ZFHX3: variants seen among roughly 807,000 people sequenced by gnomAD.
ZFHX3 encodes the protein zinc finger homeobox protein 3.
In ZFHX3, 42 loss-of-function variants were observed where a neutral mutation model predicts 279.1. That is an observed-to-expected ratio of 0.15 (90% confidence interval 0.12 to 0.19). ZFHX3 has a LOEUF of 0.19. ZFHX3 is among the 10% of genes least tolerant of loss of function. The pLI, the probability that ZFHX3 is intolerant of heterozygous loss-of-function variation, is 1.00. For missense variants in ZFHX3, 4,981 were observed against 4,754.0 expected (o/e 1.05, Z -1.40); for synonymous variants, 2,293 against 1,957.8 (o/e 1.17, Z -4.52).
At chr16:73,524,080 G>T (rs577220383) in intron 2 of ZFHX3, among the ~76,000 whole-genome samples, 1 of 152,128 alleles carries the variant, frequency 6.6e-6, no homozygotes, top group African/African-American at 2.4e-5. Context: ...ATGAATGTTC[G>T]CATAAGGGAA....
chr16:73,105,966 A>AG (rs1413610121), intron 7 of ZFHX3, among the ~76,000 whole-genome samples: 1 of 105,562 alleles, frequency 9.5e-6, no homozygotes, highest in Non-Finnish European at 1.7e-5. Flanking sequence ...CTCTGTGCTT[A>AG]GGCTCATGCA....
intron 1 of ZFHX3, among the ~76,000 whole-genome samples, chr16:73,771,873 T>A (rs1483860765): frequency 1.1e-4 from 17 of 151,064 alleles, no homozygotes; most frequent in Non-Finnish European, 1.2e-4. Context: ...CTCTCATTGA[T>A]ATGGTTACCC....
At chr16:73,718,515 A>G (rs7199659) in intron 1 of ZFHX3, among the ~76,000 whole-genome samples, 120,327 of 152,184 alleles carry the variant, frequency 0.79, 49,518 homozygotes, top group Middle Eastern at 0.9. Context: ...AGGGACTAAA[A>G]TCTAGCTGAG....
At chr16:72,978,762 C>G (rs560761395) in intron 1 of ZFHX3, among the ~76,000 whole-genome samples, 2 of 152,292 alleles carry the variant, frequency 1.3e-5, no homozygotes, top group South Asian at 4.1e-4. Context: ...GGATCCCCTT[C>G]CAAATGTCAA....
At chr16:73,118,319 G>A (rs773155462) in intron 7 of ZFHX3, among the ~76,000 whole-genome samples, 12 of 152,028 alleles carry the variant, frequency 7.9e-5, no homozygotes, top group Non-Finnish European at 1.3e-4. Context: ...AGTGATTCTC[G>A]TGCCTCAGCC....
At chr16:73,378,648 C>G (rs144134897) in intron 3 of ZFHX3, among the ~76,000 whole-genome samples, 1 of 152,342 alleles carries the variant, frequency 6.6e-6, no homozygotes, top group African/African-American at 2.4e-5. Context: ...CTGCACCAAA[C>G]TAACCTCAGT....
intron 2 of ZFHX3, among the ~76,000 whole-genome samples, chr16:73,578,241 C>A (rs565043834): frequency 6.6e-6 from 1 of 152,178 alleles, no homozygotes; most frequent in East Asian, 1.9e-4. Context: ...TTTTTTCCCA[C>A]TGTATTAACT....
At chr16:73,436,848 G>C (rs551401404) in intron 3 of ZFHX3, among the ~76,000 whole-genome samples, 393 of 152,258 alleles carry the variant, frequency 2.6e-3, no homozygotes, top group Admixed American at 3.6e-3. Context: ...AAGTGATCCC[G>C]TCTTCTCCCT....
chr16:73,497,337 C>T (rs1231040551), intron 2 of ZFHX3, among the ~76,000 whole-genome samples: 13 of 152,198 alleles, frequency 8.5e-5, no homozygotes. Context: ...TTGATTTTCT[C>T]TTCCTCTTGG....
chr16:73,586,589 AAAAT>A (rs1407136602), intron 2 of ZFHX3, among the ~76,000 whole-genome samples: 1 of 152,204 alleles, frequency 6.6e-6, no homozygotes, highest in Non-Finnish European at 1.5e-5. Flanking sequence ...ATTTTTGAAA[AAAAT>A]AAAATGTACT....
At chr16:73,352,600 C>G (rs1296557087) in intron 3 of ZFHX3, among the ~76,000 whole-genome samples, 1 of 150,388 alleles carries the variant, frequency 6.6e-6, no homozygotes, top group Non-Finnish European at 1.5e-5. Context: ...CCATCCCAGT[C>G]TCTCGAGCAG....
chr16:73,067,591 T>C (rs1384342161), intron 8 of ZFHX3, among the ~76,000 whole-genome samples: 1 of 152,244 alleles, frequency 6.6e-6, no homozygotes, highest in Non-Finnish European at 1.5e-5. Context: ...TCCCAACTAG[T>C]TCCTGCTGTG....
intron 1 of ZFHX3, among the ~76,000 whole-genome samples, chr16:73,795,753 T>A (rs1362774312): frequency 6.6e-6 from 1 of 152,182 alleles, no homozygotes; most frequent in Non-Finnish European, 1.5e-5. Context: ...AGAATTTCAA[T>A]TCTTTGACAA....
intron 3 of ZFHX3, among the ~76,000 whole-genome samples, chr16:72,901,406 T>C (rs962310939): frequency 8.5e-5 from 13 of 152,202 alleles, no homozygotes; most frequent in Admixed American, 8.5e-4. Context: ...GACAAATACA[T>C]TCATCACCTT....
At chr16:72,916,111 AG>A (rs2039435444) in intron 3 of ZFHX3, among the ~76,000 whole-genome samples, 1 of 152,236 alleles carries the variant, frequency 6.6e-6, no homozygotes, top group Non-Finnish European at 1.5e-5. Context: ...GTAAGCACTT[AG>A]AAAAGAGAGC....
intron 1 of ZFHX3, among the ~76,000 whole-genome samples, chr16:73,708,931 T>C (rs1425095846): frequency 6.6e-6 from 1 of 152,164 alleles, no homozygotes; most frequent in Non-Finnish European, 1.5e-5. Flanking sequence ...TCTCCCATGA[T>C]ACGTATTTAT....
chr16:73,416,696 A>AC (rs542809564), intron 3 of ZFHX3, among the ~76,000 whole-genome samples: 67 of 151,678 alleles, frequency 4.4e-4, no homozygotes, highest in African/African-American at 1.5e-3. Context: ...ACATGGTGAA[A>AC]CCCCCGTCTC....
At chr16:73,814,858 C>A (rs953594034) in intron 1 of ZFHX3, among the ~76,000 whole-genome samples, 2 of 152,094 alleles carry the variant, frequency 1.3e-5, no homozygotes. Context: ...GTGAGCCTTT[C>A]ACACCCAGCC....
chr16:73,095,028 T>A (rs1260063001), intron 7 of ZFHX3, among the ~76,000 whole-genome samples: 1 of 152,164 alleles, frequency 6.6e-6, no homozygotes, highest in Non-Finnish European at 1.5e-5. Context: ...GAAGTCTTCA[T>A]AGATAAACCA....
Sources: gnomAD v4.1 joint callset for allele counts (sites outside exome capture counted in the v4.1 genomes callset) on GRCh38, gnomAD v4.1.1 for gene constraint, MANE v1.5 for transcripts, NCBI Gene and HGNC (gene_info 2026-07-23, HGNC 2026-07-21) for gene names.